NFX1: variants seen among roughly 807,000 people sequenced by gnomAD.
NFX1 encodes the protein transcriptional repressor NF-X1.
Under a neutral mutation model 137.2 loss-of-function variants are expected in NFX1, and 69 were observed. The ratio of observed to expected loss-of-function variants is 0.50; its 90% CI spans 0.41 to 0.61. NFX1 has a LOEUF of 0.61. NFX1 is among the 20% of genes least tolerant of loss of function. The probability of loss-of-function intolerance (pLI) is 0.00; values close to 1 mark genes in which losing one functional copy is unlikely to be tolerated. For synonymous variants in NFX1, 495 were observed against 474.1 expected (o/e 1.04, Z -0.57); for missense variants, 1,167 against 1,391.0 (o/e 0.84, Z 2.56).
At chr9:33,304,698 G>A (rs941569217) in intron 4 of NFX1, among the ~76,000 whole-genome samples, 2 of 152,000 alleles carry the variant, frequency 1.3e-5, no homozygotes, top group Non-Finnish European at 2.9e-5. Context: ...GGAATTTTCC[G>A]GTCTTACATG....
At chr9:33,351,450 C>G in intron 15 of NFX1, 110 bp from the exon 16 acceptor site, 1 of 1,096,402 alleles carries the variant, frequency 9.1e-7, no homozygotes, top group South Asian at 1.4e-5. Context: ...TATCCGAAAA[C>G]AAAACAAAAC....
At position 33,294,986 on chromosome 9, in the gene NFX1, C is replaced by T. The variant is rs1821300017; in HGVS notation, c.592C>T (p.Pro198Ser). Residue 198 changes from proline to serine, a missense_variant, in exon 2 of 24, where the codon CCA (proline) becomes TCA (serine). This residue lies in a region of NFX1 where 367 missense variants were observed against 386.7 expected (regional missense o/e 0.95). Transcript: ENST00000379540. ...ATGTGAATGGAGTAACCGAACAACT[C>T]CAAAACCGGAGGATGCTGGACCCGA... Reference protein sequence around the residue: ...LKCEWSNRTTPKPEDAGPEST... With the variant: ...LKCEWSNRTTSKPEDAGPEST... 6.2e-7 allele frequency: 1 copy of T among 1,614,118 alleles called. No homozygotes were observed. The highest frequency in any genetic ancestry group is 1.7e-5 in the Admixed American group (1 of 60,020).
At position 33,290,586 on chromosome 9, in the gene NFX1, C is replaced by G; in HGVS notation, c.14C>G (p.Pro5Arg). ...CTGCGGCACGGGATGGCGGAGGCGC[C>G]TCCTGTCTCAGGTATTGTCCCGGCC... MAEA[P>R]PVSGTFKFNT... The change falls in exon 1 of 24, where the codon CCT becomes CGT. Residue 5 changes from proline (P) to arginine (R), a missense_variant. Coordinates refer to ENST00000379540, the MANE Select transcript of NFX1 (RefSeq NM_002504.6). The G allele has an allele frequency of 6.2e-7, 1 of 1,613,942 alleles. No individual in the cohort carries two copies. The highest frequency in any genetic ancestry group is 8.5e-7 in the Non-Finnish European group (1 of 1,179,984).
intron 22 of NFX1, 95 bp from the exon 23 acceptor site, chr9:33,367,419 TC>T (rs1209239010): frequency 8.1e-7 from 1 of 1,238,718 alleles, no homozygotes; most frequent in Non-Finnish European, 1.2e-6. Flanking sequence ...CTCAGTAGTG[TC>T]ATAGTGCCAA....
intron 9 of NFX1, among the ~76,000 whole-genome samples, chr9:33,328,030 A>G (rs1050517971): frequency 1.3e-5 from 2 of 152,106 alleles, no homozygotes. Flanking sequence ...ATTTGTTTTG[A>G]AACAGGGTCT....
chr9:33,358,647 ATTTTTTTTTTTTT>A (rs61589629), intron 19 of NFX1, among the ~76,000 whole-genome samples: 59 of 48,466 alleles, frequency 1.2e-3, no homozygotes, highest in African/African-American at 4.3e-3. Context: ...GAATGGCTTG[ATTTTTTTTTTTTT>A]TTTTTTTTTT....
intron 23 of NFX1, among the ~76,000 whole-genome samples, chr9:33,368,750 G>A (rs1164469735): frequency 6.6e-6 from 1 of 152,162 alleles, no homozygotes; most frequent in Non-Finnish European, 1.5e-5. Context: ...ACCTCTGAAG[G>A]GTGGTTACGG....
intron 1 of NFX1, among the ~76,000 whole-genome samples, chr9:33,292,267 T>G (rs1377721422): frequency 6.6e-6 from 1 of 152,216 alleles, no homozygotes; most frequent in Non-Finnish European, 1.5e-5. Flanking sequence ...GATTTTGCTT[T>G]AGTTCCCATT....
At chr9:33,307,161 G>A in intron 4 of NFX1, 33 bp from the exon 5 acceptor site, 2 of 1,562,266 alleles carry the variant, frequency 1.3e-6, no homozygotes, top group East Asian at 4.5e-5. Flanking sequence ...GTTGAAGTTT[G>A]TACCATTGAC....
intron 12 of NFX1, among the ~76,000 whole-genome samples, chr9:33,340,972 C>G (rs1393018521): frequency 6.6e-6 from 1 of 152,184 alleles, no homozygotes; most frequent in East Asian, 1.9e-4. Context: ...CCAAACTTTC[C>G]CACATTCTCC....
At chr9:33,331,655 C>T (rs993999089) in intron 10 of NFX1, among the ~76,000 whole-genome samples, 1 of 147,866 alleles carries the variant, frequency 6.8e-6, no homozygotes, top group South Asian at 2.1e-4. Flanking sequence ...CCTTTTATTG[C>T]TTAGACTTCT....
At chr9:33,363,970 T>C in intron 19 of NFX1, 40 bp from the exon 20 acceptor site, 1 of 1,414,440 alleles carries the variant, frequency 7.1e-7, no homozygotes, top group Non-Finnish European at 9.6e-7. Flanking sequence ...ATAGTTTCCC[T>C]CCCACTCCTT....
At chr9:33,343,120 T>C (rs900445624) in intron 13 of NFX1, among the ~76,000 whole-genome samples, 1 of 152,200 alleles carries the variant, frequency 6.6e-6, no homozygotes, top group Admixed American at 6.5e-5. Flanking sequence ...ATATGTGTTA[T>C]TGACCTAGGT....
At chr9:33,322,895 T>A (rs187756290) in intron 9 of NFX1, among the ~76,000 whole-genome samples, 2 of 152,252 alleles carry the variant, frequency 1.3e-5, no homozygotes, top group Admixed American at 1.3e-4. Context: ...TCAGAGAGAA[T>A]CAGGGAAAGG....
rs1338063357 is a variant in NFX1, at chr9:33,342,748, T to C, written c.2118T>C (p.Asp706=). ...RHKCNEICCV[D]KEHKCPLICG... is the part of the protein sequence containing the mutation. ...CAAATATAAATCTCTTTTCCCAGGA[T>C]AAGGAGCACAAGTGTCCTTTGATTT... Residue 706 remains aspartate (D), a splice_region_variant and synonymous_variant, in exon 13 of 24, where the codon GAT becomes GAC. Coordinates refer to ENST00000379540, the MANE Select transcript of NFX1 (RefSeq NM_002504.6). 1 of 1,607,418 alleles carries C rather than the reference T, an allele frequency of 6.2e-7. No homozygotes were observed. Among genetic ancestry groups the C allele is most frequent in the East Asian group, 2.2e-5 (1 of 44,846 alleles).
intron 21 of NFX1, 118 bp downstream of exon 21, chr9:33,364,892 T>G: frequency 6.6e-7 from 1 of 1,513,108 alleles, no homozygotes; most frequent in Non-Finnish European, 8.8e-7. Context: ...AAGTCACAAC[T>G]TCTTTGAGGA....
At chr9:33,362,100 A>G (rs1331102342) in intron 19 of NFX1, among the ~76,000 whole-genome samples, 1 of 151,402 alleles carries the variant, frequency 6.6e-6, no homozygotes, top group Non-Finnish European at 1.5e-5. Context: ...CAGCCTGGGC[A>G]ACAAGAGCCA....
intron 14 of NFX1, among the ~76,000 whole-genome samples, chr9:33,346,091 G>A (rs1363635220): frequency 1.3e-5 from 2 of 152,194 alleles, no homozygotes; most frequent in Non-Finnish European, 2.9e-5. Flanking sequence ...TCTTCATTAA[G>A]TGGAATGTTC....
intron 7 of NFX1, among the ~76,000 whole-genome samples, chr9:33,317,829 A>G (rs1822227948): frequency 6.6e-6 from 1 of 151,756 alleles, no homozygotes; most frequent in African/African-American, 2.4e-5. Context: ...TACAGAAATT[A>G]GCTGGGCGTG....
Sources: gnomAD v4.1 joint callset for allele counts (sites outside exome capture counted in the v4.1 genomes callset) on GRCh38, gnomAD v4.1.1 for gene constraint, gnomAD v4.1.1 regional missense constraint, MANE v1.5 for transcripts, NCBI Gene and HGNC (gene_info 2026-07-23, HGNC 2026-07-21) for gene names.